Variants in JAG2 observed in about 807,000 individuals in gnomAD.
JAG2 encodes protein jagged-2.
JAG2 carries 46 observed loss-of-function variants against 141.7 expected under a neutral mutation model. The observed-to-expected ratio is 0.32, with a 90% CI of 0.26 to 0.42. The LOEUF is 0.42. Among genes scored for constraint, JAG2 ranks in the 10% least tolerant of loss-of-function variants. The probability of loss-of-function intolerance (pLI) is 1.00; values close to 1 mark genes in which losing one functional copy is unlikely to be tolerated. For missense variants in JAG2, 1,500 were observed against 1,817.5 expected, an observed-to-expected ratio of 0.83 and a Z score of 3.18; for synonymous variants, 862 against 763.5, an observed-to-expected ratio of 1.13 and a Z score of -2.13.
chr14:105,143,671 C>T (rs760661306), intron 24 of JAG2, 33 bp from the exon 25 acceptor site: 15 of 1,600,394 alleles, frequency 9.4e-6, no homozygotes, highest in East Asian at 4.5e-5. Context: ...GGGGATGGCT[C>T]GAGGGCTCCA....
chr14:105,148,728 G>C lies in JAG2; in HGVS notation c.2020+17C>G, dbSNP rs1888310540. 6.5e-7 allele frequency: 1 copy of C among 1,542,970 alleles called. No individual in the cohort carries two copies. Among genetic ancestry groups the C allele is most frequent in the Non-Finnish European group, 8.8e-7 (1 of 1,140,718 alleles). On this transcript the variant is annotated intron_variant, in intron 15 of 25. Transcript: ENST00000331782. The stretch of plus-strand genomic sequence containing the variant: ...GGTGGAGGCACAGGCCGTGTGGGCG[G>C]GTGCTGGAACACTCACTGGTGTCGC...
intron 20 of JAG2, chr14:105,146,990 C>T (rs1888245137): frequency 6.5e-6 from 4 of 617,812 alleles, no homozygotes; most frequent in African/African-American, 3.6e-5. Flanking sequence ...GTCGGACCAG[C>T]CAAGGGGTGC....
Position 105,157,848 on chromosome 14 carries a change from G to A in JAG2, c.418-85C>T, listed in dbSNP as rs587617891. The stretch of plus-strand genomic sequence containing the variant: ...GTGGGACAAGGCCCAGGGCTCAGAC[G>A]CTGCCCCTGGGTCTGCCAGGCTCTG... On this transcript the variant is annotated intron_variant, in intron 2 of 25. Coordinates refer to ENST00000331782, the MANE Select transcript of JAG2 (RefSeq NM_002226.5). The A allele has an allele frequency of 1.4e-4, 168 of 1,243,258 alleles. No homozygotes were observed. In the Middle Eastern group the frequency reaches 2.7e-3, roughly 20 times the overall value. The allele number at this position is 1,243,258 out of a possible 1,614,324, so 77.0% of individuals were successfully genotyped here.
At chr14:105,148,053 C>T (rs1180674521) in intron 17 of JAG2, 63 bp downstream of exon 17, 57 of 1,389,818 alleles carry the variant, frequency 4.1e-5, no homozygotes, top group Admixed American at 7.9e-5. Flanking sequence ...CCATCGCGCC[C>T]GAGGGAGCGG....
At position 105,150,596 on chromosome 14, in the gene JAG2, G is replaced by A. The variant is rs1231801752; in HGVS notation, c.1602+8C>T. 3.9e-6 allele frequency: 6 copies of A among 1,546,894 alleles called. No homozygotes were observed. Among genetic ancestry groups the A allele is most frequent in the Non-Finnish European group, 5.2e-6 (6 of 1,145,320 alleles). ...GCAGGTGGGGCAGGGTGACCAGGCA[G>A]ACCTCACCTCACAGAGAGGCCCGGA... is the stretch of plus-strand genomic sequence containing the variant. On this transcript the variant is annotated splice_region_variant and intron_variant, in intron 12 of 25. Coordinates refer to ENST00000331782, the MANE Select transcript of JAG2 (RefSeq NM_002226.5).
intron 12 of JAG2, among the ~76,000 whole-genome samples, chr14:105,149,787 G>A (rs587746422): frequency 7.0e-6 from 1 of 142,104 alleles, no homozygotes; most frequent in South Asian, 2.4e-4. Flanking sequence ...ATCGTGGGCG[G>A]CCGAGGGTGG....
intron 5 of JAG2, among the ~76,000 whole-genome samples, chr14:105,155,294 G>T (rs998171196): frequency 6.6e-6 from 1 of 152,020 alleles, no homozygotes; most frequent in Non-Finnish European, 1.5e-5. Context: ...CAGCCTCCGG[G>T]TCTCTGCCCC....
chr14:105,145,643 C>T lies in JAG2; in HGVS notation c.2952+88G>A, dbSNP rs1192336918. On this transcript the variant is annotated intron_variant, in intron 23 of 25. Transcript: ENST00000331782. Reference sequence around the variant, plus strand: ...ACTCTGCTCAGCCAACCAGGGCCTCCCTGCCCTGCGGGGCTAGGCTTTCGC... The same window carrying T: ...ACTCTGCTCAGCCAACCAGGGCCTCTCTGCCCTGCGGGGCTAGGCTTTCGC... 4 of 1,501,556 alleles carry T rather than the reference C, an allele frequency of 2.7e-6. No individual in the cohort carries two copies. In the East Asian group the frequency reaches 9.9e-5, roughly 37 times the overall value. The allele number at this position is 1,501,556 out of a possible 1,614,324, so 93.0% of individuals were successfully genotyped here.
At chr14:105,156,523 A>G (rs1397052900) in intron 3 of JAG2, among the ~76,000 whole-genome samples, 2 of 151,752 alleles carry the variant, frequency 1.3e-5, no homozygotes, top group Non-Finnish European at 1.5e-5. Context: ...CAAGACAGGC[A>G]TAGGTCCCGT....
intron 2 of JAG2, 149 bp from the exon 3 acceptor site, chr14:105,157,912 T>C: frequency 2.7e-6 from 2 of 743,576 alleles, no homozygotes; most frequent in Non-Finnish European, 4.7e-6. Context: ...ACCCTCCTCA[T>C]CCTCAGGCCA....
chr14:105,152,000 G>A lies in JAG2; in HGVS notation c.977C>T (p.Ala326Val), dbSNP rs977973203. Reference protein sequence around the residue: ...PCTNGGTCINAEPDQYRCTCP... With the variant: ...PCTNGGTCINVEPDQYRCTCP... ...GGTGCAGCGGTACTGGTCAGGCTCG[G>A]CGTTGATGCACGTGCCTCCGTTGGT... The change falls in exon 7 of 26, where the codon GCC (alanine) becomes GTC (valine). Residue 326 changes from alanine to valine, a missense_variant. Coordinates refer to ENST00000331782, the MANE Select transcript of JAG2 (RefSeq NM_002226.5). 4 of 1,613,410 alleles carry A rather than the reference G, an allele frequency of 2.5e-6. No individual in the cohort carries two copies. Among genetic ancestry groups the A allele is most frequent in the Non-Finnish European group, 3.4e-6 (4 of 1,180,000 alleles).
Position 105,155,639 on chromosome 14 carries a change from G to T in JAG2, c.728-17C>A. 6.2e-7 allele frequency: 1 copy of T among 1,612,652 alleles called. No individual in the cohort carries two copies. Reference sequence around the variant, plus strand: ...TACACACAGCTGCGAACAGAGAGGAGCGAGAGGCACAGCTGCAGCCAGCCT... The same window carrying T: ...TACACACAGCTGCGAACAGAGAGGATCGAGAGGCACAGCTGCAGCCAGCCT... On this transcript the variant is annotated splice_polypyrimidine_tract_variant and intron_variant, in intron 4 of 25. Coordinates refer to ENST00000331782, the MANE Select transcript of JAG2 (RefSeq NM_002226.5).
At chr14:105,160,501 C>T (rs1390246261) in intron 2 of JAG2, among the ~76,000 whole-genome samples, 2 of 151,668 alleles carry the variant, frequency 1.3e-5, no homozygotes, top group Admixed American at 1.3e-4. Context: ...GCCTCTGCCA[C>T]CAAGGACGGC....
chr14:105,149,343 G>T, intron 12 of JAG2, 23 bp from the exon 13 acceptor site: 3 of 1,612,504 alleles, frequency 1.9e-6, no homozygotes, highest in Non-Finnish European at 2.5e-6. Flanking sequence ...GGGTGCCTGT[G>T]AGAGCCTAGG....
At chr14:105,153,713 T>C (rs1888503988) in intron 5 of JAG2, among the ~76,000 whole-genome samples, 1 of 152,130 alleles carries the variant, frequency 6.6e-6, no homozygotes, top group Non-Finnish European at 1.5e-5. Flanking sequence ...GCTCACCTAC[T>C]GCCCCCACCC....
chr14:105,146,816 C>T (rs1888239584), intron 20 of JAG2, 92 bp from the exon 21 acceptor site: 8 of 1,001,228 alleles, frequency 8.0e-6, no homozygotes, highest in South Asian at 2.7e-5. Context: ...CAGTGGCACA[C>T]AGGCGCAAGC....
In JAG2 at chr14:105,145,803, C is replaced by G; in HGVS notation, c.2880G>C (p.Leu960=). 6.4e-7 allele frequency: 1 copy of G among 1,572,480 alleles called. No homozygotes were observed. The highest frequency in any genetic ancestry group is 8.6e-7 in the Non-Finnish European group (1 of 1,159,562). ...GAEEPPSTPC[L]PRSGHLDNNC... ...TATTGTCCAGGTGGCCGGAGCGTGG[C>G]AGGCAGGGGGTGCTCGGTGGCTCTT... Residue 960 remains leucine, a synonymous_variant, in exon 23 of 26, where the codon CTG becomes CTC. Transcript: ENST00000331782.
intron 2 of JAG2, among the ~76,000 whole-genome samples, chr14:105,166,767 G>A (rs587630915): frequency 8.4e-4 from 128 of 152,310 alleles, no homozygotes; most frequent in African/African-American, 2.8e-3. Flanking sequence ...GCACACTCCG[G>A]TGCCTCCTGC....
rs1888526520 is a variant in JAG2, at chr14:105,154,589, G to A, written c.788+973C>T. 6.6e-6 allele frequency among the ~76,000 whole-genome samples: 1 copy of A among 152,146 alleles called. No homozygotes were observed. The highest frequency in any genetic ancestry group is 1.5e-5 in the Non-Finnish European group (1 of 68,016). On this transcript the variant is annotated intron_variant, in intron 5 of 25. Transcript: ENST00000331782. This position sits in a 1 kb window ranked among gnomAD's most constrained non-coding sequence, Gnocchi z 4.4. ...AAGACCCCGGACACTCCCTTGTGGA[G>A]GCCCTTGCTGACTCCTCATCCATCC...
Sources: gnomAD v4.1 joint callset for allele counts (sites outside exome capture counted in the v4.1 genomes callset) on GRCh38, gnomAD v4.1.1 for gene constraint, Gnocchi (gnomAD v3.1) non-coding constraint, MANE v1.5 for transcripts, NCBI Gene and HGNC (gene_info 2026-07-23, HGNC 2026-07-21) for gene names.